EML5: variants seen among roughly 807,000 people sequenced by gnomAD.
EML5 encodes the protein EMAP like 5, also known as echinoderm microtubule-associated protein-like 5.
A neutral mutation model predicts 250.0 loss-of-function variants in EML5; 120 were observed. The ratio of observed to expected loss-of-function variants is 0.48; its 90% confidence interval spans 0.41 to 0.56. EML5 has a LOEUF of 0.56. EML5 is among the 20% of genes least tolerant of loss of function. The pLI is 0.00. For missense variants in EML5, 2,006 were observed against 2,437.6 expected (o/e 0.82, Z 3.73); for synonymous variants, 771 against 806.5 (o/e 0.96, Z 0.75).
intron 37 of EML5, chr14:88,621,677 CAATTTA>C (rs1391271483): frequency 1.8e-5 from 5 of 273,102 alleles, no homozygotes; most frequent in African/African-American, 1.1e-4. Flanking sequence ...AGCTTAACTA[CAATTTA>C]ATATGCAGGC....
chr14:88,752,374 A>G (rs769426693), intron 2 of EML5, among the ~76,000 whole-genome samples: 5 of 152,210 alleles, frequency 3.3e-5, no homozygotes, highest in Non-Finnish European at 7.3e-5. Context: ...TTTGTTTTAT[A>G]ACATTTTATG....
rs1352133167 is a variant in EML5 at position 88,744,059 on chromosome 14, T to G, written c.489A>C (p.Pro163=). 2.5e-6 allele frequency: 4 copies of G among 1,576,510 alleles called. No individual in the cohort carries two copies. In the South Asian group the frequency reaches 3.5e-5, roughly 14 times the overall value. ...TTACACCACAGCTGACAAGTTTATT[T>G]GGCTGGTACAAATCCCAAGAAATAT... ...IFDISWDLYQ[P]NKLVSCGVKH... The change falls in exon 4 of 44, where the codon CCA becomes CCC. Residue 163 remains proline (P), a synonymous_variant. Transcript: ENST00000554922.
At chr14:88,744,217 C>T (rs2093970731) in intron 3 of EML5, 126 bp from the exon 4 acceptor site, 2 of 477,262 alleles carry the variant, frequency 4.2e-6, no homozygotes, top group African/African-American at 4.0e-5. Flanking sequence ...TAATAATCAA[C>T]ATCCCACACT....
Position 88,702,582 on chromosome 14 carries a change from T to C in EML5, c.2102A>G (p.Glu701Gly). 2 of 1,611,488 alleles carry C rather than the reference T, an allele frequency of 1.2e-6. No individual in the cohort carries two copies. Among genetic ancestry groups the C allele is most frequent in the Non-Finnish European group, 1.7e-6 (2 of 1,178,652 alleles). ...CACTGCTGCCACATGGTACACAATT[T>C]CACCAATTTGAGTATAAAACAGATT... ...RSNLFYTQIG[E>G]IVYHVAAVGV... The change falls in exon 14 of 44, where the codon GAA becomes GGA. Residue 701 changes from glutamate (E) to glycine (G), a missense_variant. This residue lies in a region of EML5 where 1,375 missense variants were observed against 1,590.3 expected (regional missense o/e 0.86). Coordinates refer to ENST00000554922, the MANE Select transcript of EML5 (RefSeq NM_183387.3).
chr14:88,640,556 T>C (rs1043062666), intron 31 of EML5, among the ~76,000 whole-genome samples: 5 of 152,094 alleles, frequency 3.3e-5, no homozygotes, highest in African/African-American at 1.2e-4. Flanking sequence ...CAAAAGCATG[T>C]TAAATGTTAA....
chr14:88,700,046 G>GCA lies in EML5; in HGVS notation c.2238+2398_2238+2399dup, dbSNP rs1282564826. ...ACTACATTGTGAGCTCCCGATAGTG[G>GCA]CAGCCAGTCTGAGTTATCTCTGTGT... On this transcript the variant is annotated intron_variant, in intron 14 of 43. Coordinates refer to ENST00000554922, the MANE Select transcript of EML5 (RefSeq NM_183387.3). Among the ~76,000 whole-genome samples the GCA allele has an allele frequency of 2.0e-5, 3 of 152,064 alleles. No individual in the cohort carries two copies. The East Asian group carries it at 5.8e-4, about 29-fold the overall frequency.
chr14:88,683,829 C>T (rs988651236), intron 20 of EML5, among the ~76,000 whole-genome samples: 4 of 152,140 alleles, frequency 2.6e-5, no homozygotes, highest in African/African-American at 9.7e-5. Flanking sequence ...GGAGCATCTA[C>T]GAAAAACCCA....
rs182163258 is a variant in EML5 at position 88,633,434 on chromosome 14, C to T, written c.4357+1035G>A. Among the ~76,000 whole-genome samples, 102 of 152,140 alleles carry T rather than the reference C, an allele frequency of 6.7e-4. No homozygotes were observed. The East Asian group carries it at 0.011, about 16-fold the overall frequency. On this transcript the variant is annotated intron_variant, in intron 33 of 43. Coordinates refer to ENST00000554922, the MANE Select transcript of EML5 (RefSeq NM_183387.3). ...CCCCACCTGTCATCTCATTTGATTACAATACAATCCATGCTTCACTGTGCC... is the reference window on the plus strand; with the variant it reads ...CCCCACCTGTCATCTCATTTGATTATAATACAATCCATGCTTCACTGTGCC...
intron 21 of EML5, among the ~76,000 whole-genome samples, chr14:88,672,465 C>A (rs1484090484): frequency 1.3e-5 from 2 of 152,030 alleles, no homozygotes; most frequent in East Asian, 1.9e-4. Flanking sequence ...CAAATTGACA[C>A]CCTAATATCA....
intron 2 of EML5, among the ~76,000 whole-genome samples, chr14:88,746,922 T>A (rs953745058): frequency 1.3e-5 from 2 of 152,194 alleles, no homozygotes; most frequent in Non-Finnish European, 2.9e-5. Flanking sequence ...GTTGCTGGCC[T>A]AAATTCTCAT....
chr14:88,644,352 A>G, intron 30 of EML5, 81 bp downstream of exon 30: 1 of 1,308,882 alleles, frequency 7.6e-7, no homozygotes, highest in Non-Finnish European at 1.1e-6. Flanking sequence ...TTTTCATGAA[A>G]ACTAATGACA....
intron 17 of EML5, 127 bp from the exon 18 acceptor site, chr14:88,688,600 G>A: frequency 1.1e-6 from 1 of 906,104 alleles, no homozygotes; most frequent in South Asian, 1.6e-5. Flanking sequence ...AAGGAGAATT[G>A]AAAACTACAG....
chr14:88,738,815 G>A, intron 6 of EML5, 64 bp downstream of exon 6: 3 of 1,495,282 alleles, frequency 2.0e-6, no homozygotes, highest in Non-Finnish European at 2.7e-6. Context: ...CTCACTGAAA[G>A]AAAGAGATAA....
intron 38 of EML5, 24 bp downstream of exon 38, chr14:88,621,089 T>C: frequency 6.3e-7 from 1 of 1,598,354 alleles, no homozygotes; most frequent in South Asian, 1.1e-5. Context: ...TGTAACCTCT[T>C]TTAAAAAAAT....
At chr14:88,615,999 A>G in intron 43 of EML5, 143 bp downstream of exon 43, 1 of 1,253,936 alleles carries the variant, frequency 8.0e-7, no homozygotes, top group African/African-American at 1.5e-5. Context: ...CATAAATATG[A>G]GATTCTGAAG....
intron 32 of EML5, among the ~76,000 whole-genome samples, chr14:88,636,342 G>A (rs1036210537): frequency 1.3e-5 from 2 of 152,146 alleles, no homozygotes; most frequent in Non-Finnish European, 2.9e-5. Flanking sequence ...GAATGTAGTT[G>A]GAGGGTGCCA....
At chr14:88,711,875 G>A (rs923050015) in intron 10 of EML5, among the ~76,000 whole-genome samples, 3 of 151,832 alleles carry the variant, frequency 2.0e-5, no homozygotes, top group African/African-American at 7.3e-5. Flanking sequence ...AACCCAAGAG[G>A]TGGAGGCTGC....
intron 33 of EML5, among the ~76,000 whole-genome samples, chr14:88,630,019 CTG>C (rs1306224150): frequency 1.4e-5 from 2 of 140,252 alleles, no homozygotes; most frequent in Admixed American, 1.6e-4. Context: ...ATAATAAAAA[CTG>C]TATTTTTTTT....
chr14:88,694,302 C>T lies in EML5; in HGVS notation c.2539+5G>A. On this transcript the variant is annotated splice_donor_5th_base_variant and intron_variant, in intron 17 of 43. Transcript: ENST00000554922. ...CTATGGAGTAAAAAAGAAGCACTTT[C>T]TTACCTGCTTTACGCCAAAATTTCA... The T allele has an allele frequency of 6.4e-7, 1 of 1,559,890 alleles. No homozygotes were observed. The highest frequency in any genetic ancestry group is 8.7e-7 in the Non-Finnish European group (1 of 1,149,096).
Sources: allele counts gnomAD v4.1 joint callset (sites outside exome capture counted in the v4.1 genomes callset), GRCh38; gene constraint gnomAD v4.1.1; regional missense constraint gnomAD v4.1.1; transcripts MANE v1.5; gene names NCBI Gene and HGNC (gene_info 2026-07-23, HGNC 2026-07-21).